CSTPP1: variants seen among roughly 807,000 people sequenced by gnomAD.
CSTPP1 encodes the protein centriolar satellite-associated tubulin polyglutamylase complex regulator 1, also known as UPF0705 protein C11orf49.
the CSTPP1 span, among the ~76,000 whole-genome samples, chr11:47,058,564 T>C: frequency 2.6e-5 from 4 of 152,102 alleles, no homozygotes; most frequent in South Asian, 2.1e-4. Flanking sequence ...AAGATCCAAA[T>C]GGAATTTCTA....
the CSTPP1 span, among the ~76,000 whole-genome samples, chr11:46,994,485 AG>A: frequency 3.3e-5 from 5 of 152,206 alleles, no homozygotes; most frequent in Non-Finnish European, 5.9e-5. Context: ...TTTAGCAGGA[AG>A]GGCTGTTGAA....
At chr11:47,148,603 T>C in the CSTPP1 span, among the ~76,000 whole-genome samples, 1 of 152,230 alleles carries the variant, frequency 6.6e-6, no homozygotes, top group East Asian at 1.9e-4. Context: ...GCCTGGTGGA[T>C]GCTGGCAGCA....
chr11:47,004,968 G>A, the CSTPP1 span, among the ~76,000 whole-genome samples: 15 of 152,178 alleles, frequency 9.9e-5, no homozygotes, highest in Non-Finnish European at 1.5e-4. Context: ...TCCAGGCAGG[G>A]AGAGTATATT....
chr11:46,973,748 C>A, the CSTPP1 span, among the ~76,000 whole-genome samples: 1 of 151,088 alleles, frequency 6.6e-6, no homozygotes, highest in Non-Finnish European at 1.5e-5. Flanking sequence ...ATGCCAGTGA[C>A]CATGAACCCA....
chr11:46,965,604 A>G, the CSTPP1 span, among the ~76,000 whole-genome samples: 2 of 152,166 alleles, frequency 1.3e-5, no homozygotes, highest in Admixed American at 1.3e-4. Flanking sequence ...ACACTTTTGC[A>G]TATCTTTTTA....
At chr11:47,092,305 C>A in the CSTPP1 span, among the ~76,000 whole-genome samples, 1 of 152,134 alleles carries the variant, frequency 6.6e-6, no homozygotes. Flanking sequence ...GAAAGGAAAT[C>A]TTTTCAATAT....
At chr11:47,083,290 C>CT in the CSTPP1 span, among the ~76,000 whole-genome samples, 1 of 152,096 alleles carries the variant, frequency 6.6e-6, no homozygotes, top group South Asian at 2.1e-4. Context: ...TACTTTATTC[C>CT]TTTTTGTGGC....
the CSTPP1 span, among the ~76,000 whole-genome samples, chr11:47,106,302 G>A: frequency 6.6e-6 from 1 of 152,256 alleles, no homozygotes; most frequent in East Asian, 1.9e-4. Context: ...TATCACAAAA[G>A]CTACACCTGA....
chr11:47,015,718 A>C, the CSTPP1 span, among the ~76,000 whole-genome samples: 1 of 152,038 alleles, frequency 6.6e-6, no homozygotes, highest in Admixed American at 6.6e-5. Context: ...CTGCAAACCA[A>C]TATTCCTTGT....
chr11:47,085,321 A>G, the CSTPP1 span, among the ~76,000 whole-genome samples: 1 of 152,216 alleles, frequency 6.6e-6, no homozygotes, highest in African/African-American at 2.4e-5. Context: ...ACAATACTAA[A>G]GACAATATTA....
the CSTPP1 span, among the ~76,000 whole-genome samples, chr11:47,036,045 A>ATATATATATATATATATAT: frequency 8.2e-5 from 1 of 12,222 alleles, no homozygotes; most frequent in Non-Finnish European, 1.7e-4. Context: ...ATATATATAT[A>ATATATATATATATATATAT]TATATATATA....
chr11:47,159,638 A>C, the CSTPP1 span: 2 of 456,164 alleles, frequency 4.4e-6, no homozygotes, highest in Non-Finnish European at 8.8e-6. Context: ...AGTAGCAGCC[A>C]CTAGGAAGGA....
chr11:47,130,199 G>A, the CSTPP1 span, among the ~76,000 whole-genome samples: 1 of 151,762 alleles, frequency 6.6e-6, no homozygotes, highest in East Asian at 1.9e-4. Flanking sequence ...AGCGTTTGCA[G>A]TGAGCCGAGA....
At chr11:47,122,061 C>A in the CSTPP1 span, among the ~76,000 whole-genome samples, 1 of 64,874 alleles carries the variant, frequency 1.5e-5, no homozygotes, top group Non-Finnish European at 2.8e-5. Context: ...CAGAGCAAGA[C>A]CCTGTCTCAA....
At chr11:46,938,374 A>G in the CSTPP1 span, among the ~76,000 whole-genome samples, 1 of 148,890 alleles carries the variant, frequency 6.7e-6, no homozygotes, top group Non-Finnish European at 1.5e-5. Flanking sequence ...ATTATTATAG[A>G]TACATATTAT....
At chr11:47,002,988 C>T in the CSTPP1 span, among the ~76,000 whole-genome samples, 1 of 152,216 alleles carries the variant, frequency 6.6e-6, no homozygotes, top group South Asian at 2.1e-4. Context: ...AGTGTTATGC[C>T]ATTAGCAATG....
the CSTPP1 span, among the ~76,000 whole-genome samples, chr11:46,937,570 T>G: frequency 1.3e-5 from 2 of 152,112 alleles, no homozygotes; most frequent in African/African-American, 2.4e-5. Flanking sequence ...AATACACATT[T>G]TATTTTATTT....
At chr11:46,950,912 C>T in the CSTPP1 span, among the ~76,000 whole-genome samples, 1 of 152,198 alleles carries the variant, frequency 6.6e-6, no homozygotes, top group Non-Finnish European at 1.5e-5. Context: ...CAGCCATGAG[C>T]CACCAGGCCT....
the CSTPP1 span, among the ~76,000 whole-genome samples, chr11:46,960,829 G>A: frequency 6.6e-6 from 1 of 151,750 alleles, no homozygotes; most frequent in Non-Finnish European, 1.5e-5. Context: ...TCCAGCCTGG[G>A]CAACAAGAGC....
Sources: allele counts gnomAD v4.1 joint callset (sites outside exome capture counted in the v4.1 genomes callset), GRCh38; gene constraint gnomAD v4.1.1; transcripts MANE v1.5; gene names NCBI Gene and HGNC (gene_info 2026-07-23, HGNC 2026-07-21).